The following ALMS1 variants were observed in gnomAD, a reference collection of about 807,000 sequenced individuals.
The protein encoded by ALMS1 is ALMS1 centrosome and basal body associated protein, also known as centrosome-associated protein ALMS1.
In ALMS1, 271 loss-of-function variants were observed where a neutral mutation model predicts 352.2. The observed-to-expected ratio is 0.77, with a 90% confidence interval of 0.70 to 0.85. The LOEUF (loss-of-function observed/expected upper bound fraction) is 0.85, where lower values mean the gene tolerates loss of function less well. Ranked by LOEUF, ALMS1 falls within the 40% of genes least tolerant of loss-of-function variation. ALMS1 has a pLI of 0.00. For missense variants in ALMS1, 5,445 were observed against 4,870.7 expected (o/e 1.12, Z -3.51); for synonymous variants, 1,865 against 1,761.2 (o/e 1.06, Z -1.48).
intron 11 of ALMS1, among the ~76,000 whole-genome samples, chr2:73,531,984 C>G (rs184461726): frequency 3.3e-4 from 50 of 152,366 alleles, no homozygotes; most frequent in African/African-American, 1.1e-3. Context: ...TTTGAGATGA[C>G]ATTTGGTTGG....
chr2:73,484,433 C>T (rs7602365), intron 9 of ALMS1, among the ~76,000 whole-genome samples: 5,005 of 140,706 alleles, frequency 0.036, 208 homozygotes, highest in African/African-American at 0.12. Context: ...GGGTTTCTGC[C>T]GAGAGATCCG....
At chr2:73,607,639 T>TTTA (rs1393497156) in intron 21 of ALMS1, among the ~76,000 whole-genome samples, 5 of 151,952 alleles carry the variant, frequency 3.3e-5, no homozygotes, top group Middle Eastern at 3.4e-3. Flanking sequence ...TTATTATTTT[T>TTTA]TTATTATTAT....
At chr2:73,498,747 C>A (rs747931904) in intron 10 of ALMS1, among the ~76,000 whole-genome samples, 7 of 152,170 alleles carry the variant, frequency 4.6e-5, no homozygotes, top group Non-Finnish European at 1.0e-4. Context: ...ATGACTGGAT[C>A]TCATCATTTT....
intron 15 of ALMS1, among the ~76,000 whole-genome samples, chr2:73,562,189 G>T (rs979554341): frequency 6.6e-6 from 1 of 151,904 alleles, no homozygotes; most frequent in Admixed American, 6.6e-5. Context: ...TTTTAGACAT[G>T]GAGTCTCATT....
At chr2:73,408,862 G>GTAT in intron 2 of ALMS1, 115 bp downstream of exon 2, 3 of 177,840 alleles carry the variant, frequency 1.7e-5, no homozygotes, top group Non-Finnish European at 2.9e-5. Context: ...ATGTTTTCTT[G>GTAT]TCTTTTTTTT....
intron 13 of ALMS1, 139 bp from the exon 14 acceptor site, chr2:73,557,081 A>G (rs1674562036): frequency 1.8e-6 from 2 of 1,121,438 alleles, no homozygotes; most frequent in East Asian, 4.7e-5. Flanking sequence ...CAGTTTTTAC[A>G]CAGGTGGAGC....
intron 16 of ALMS1, among the ~76,000 whole-genome samples, chr2:73,582,892 A>T (rs1675216038): frequency 6.6e-6 from 1 of 152,206 alleles, no homozygotes; most frequent in Admixed American, 6.5e-5. Context: ...ATACATACCC[A>T]GAAGAAGGAT....
intron 7 of ALMS1, among the ~76,000 whole-genome samples, chr2:73,445,242 G>A (rs1346203629): frequency 6.6e-6 from 1 of 152,160 alleles, no homozygotes; most frequent in East Asian, 1.9e-4. Context: ...ATTTCTTTAT[G>A]TTGTGAAAAT....
chr2:73,415,275 A>C (rs6730785), intron 2 of ALMS1, among the ~76,000 whole-genome samples: 77,199 of 152,026 alleles, frequency 0.51, 22,555 homozygotes, highest in East Asian at 0.77. Context: ...AAGTTAAAAA[A>C]GGTTGAACAG....
intron 15 of ALMS1, among the ~76,000 whole-genome samples, chr2:73,562,032 AT>A (rs897631290): frequency 6.6e-6 from 1 of 152,192 alleles, no homozygotes; most frequent in Non-Finnish European, 1.5e-5. Context: ...TTAAAAAAAA[AT>A]GATGGAATTT....
intron 9 of ALMS1, among the ~76,000 whole-genome samples, chr2:73,488,104 T>G (rs1318939678): frequency 6.6e-6 from 1 of 152,192 alleles, no homozygotes; most frequent in African/African-American, 2.4e-5. Context: ...AAGGTGGAGC[T>G]TCACTGGTGA....
At position 73,393,323 on chromosome 2, in the gene ALMS1, G is replaced by A. The variant is rs867181788; in HGVS notation, c.324+7131G>A. On this transcript the variant is annotated intron_variant, in intron 1 of 22. Transcript: ENST00000613296. Reference sequence around the variant, plus strand: ...CATGTAGGTCTTTGATCCATTTTGAGTTAATTTTTGTATACGATATGAAGA... The same window carrying A: ...CATGTAGGTCTTTGATCCATTTTGAATTAATTTTTGTATACGATATGAAGA... Among the ~76,000 whole-genome samples, 5 of 151,404 alleles carry A rather than the reference G, an allele frequency of 3.3e-5. No homozygotes were observed. In the South Asian group the frequency reaches 1.0e-3, roughly 31 times the overall value.
chr2:73,492,096 C>T (rs557286905), intron 10 of ALMS1, among the ~76,000 whole-genome samples: 2 of 152,232 alleles, frequency 1.3e-5, no homozygotes, highest in South Asian at 2.1e-4. Context: ...GAAAGGAAAC[C>T]CAATTCAGGG....
At chr2:73,395,078 A>ATATT (rs1243905312) in intron 1 of ALMS1, among the ~76,000 whole-genome samples, 7 of 101,330 alleles carry the variant, frequency 6.9e-5, no homozygotes, top group Non-Finnish European at 9.1e-5. Context: ...ATATATATAT[A>ATATT]TTTTTTTTTT....
At chr2:73,445,527 A>G (rs1194457805) in intron 7 of ALMS1, among the ~76,000 whole-genome samples, 1 of 152,160 alleles carries the variant, frequency 6.6e-6, no homozygotes, top group Non-Finnish European at 1.5e-5. Context: ...GCTCTTAGTC[A>G]TATGTAAAAT....
intron 9 of ALMS1, among the ~76,000 whole-genome samples, chr2:73,466,067 T>A (rs1009361207): frequency 3.3e-5 from 5 of 152,278 alleles, no homozygotes; most frequent in African/African-American, 1.2e-4. Flanking sequence ...ACTGTGGAAG[T>A]CAGTGTGTCG....
At position 73,452,633 on chromosome 2, in the gene ALMS1, C is replaced by G; in HGVS notation, c.6106C>G (p.Gln2036Glu). ...KISTVIGPND[Q>E]KTPSQTAFHS... The stretch of plus-strand genomic sequence containing the variant: ...TTCAACTGTGATTGGACCAAATGAC[C>G]AGAAGACTCCATCCCAGACAGCTTT... Residue 2036 changes from glutamine (Q) to glutamate (E), a missense_variant, in exon 8 of 23, where the codon CAG becomes GAG. By Grantham distance (29) the Gln-to-Glu change is conservative. Transcript: ENST00000613296. 2 of 1,613,986 alleles carry G rather than the reference C, an allele frequency of 1.2e-6. No homozygotes were observed. The highest frequency in any genetic ancestry group is 1.7e-6 in the Non-Finnish European group (2 of 1,179,974).
intron 16 of ALMS1, among the ~76,000 whole-genome samples, chr2:73,581,269 A>G (rs891083749): frequency 6.6e-6 from 1 of 152,204 alleles, no homozygotes. Context: ...TTCTTCCCCT[A>G]TAAAACTACT....
chr2:73,556,645 GT>G (rs1411860021), intron 13 of ALMS1, among the ~76,000 whole-genome samples: 9 of 136,644 alleles, frequency 6.6e-5, no homozygotes, highest in Non-Finnish European at 9.8e-5. Flanking sequence ...TTTTTTTTTT[GT>G]TTTTTTTTTT....
Sources: allele counts gnomAD v4.1 joint callset (sites outside exome capture counted in the v4.1 genomes callset), GRCh38; gene constraint gnomAD v4.1.1; transcripts MANE v1.5; gene names NCBI Gene and HGNC (gene_info 2026-07-23, HGNC 2026-07-21).